Variants in DCC observed in about 807,000 individuals in gnomAD.
DCC encodes netrin receptor DCC.
DCC carries 58 observed loss-of-function variants against 172.5 expected under a neutral mutation model. The observed-to-expected ratio is 0.34, with a 90% CI of 0.27 to 0.42. DCC has a LOEUF of 0.42. DCC is among the 10% of genes least tolerant of loss of function. The pLI, the probability that DCC is intolerant of heterozygous loss-of-function variation, is 1.00. For missense variants in DCC, 1,740 were observed against 1,791.0 expected, an observed-to-expected ratio of 0.97 and a Z score of 0.51; for synonymous variants, 709 against 644.5, an observed-to-expected ratio of 1.10 and a Z score of -1.52.
intron 7 of DCC, among the ~76,000 whole-genome samples, chr18:53,127,274 T>G (rs1374989681): frequency 6.6e-6 from 1 of 151,892 alleles, no homozygotes; most frequent in Non-Finnish European, 1.5e-5. Flanking sequence ...CCCAAAGTGC[T>G]GGGGTTACAG....
chr18:53,290,582 C>T (rs2056990843), intron 12 of DCC, among the ~76,000 whole-genome samples: 1 of 151,924 alleles, frequency 6.6e-6, no homozygotes, highest in Admixed American at 6.6e-5. Context: ...TTACTTAGGG[C>T]CTAATTTGAC....
At chr18:53,040,792 G>C (rs943383598) in intron 5 of DCC, among the ~76,000 whole-genome samples, 15 of 151,918 alleles carry the variant, frequency 9.9e-5, no homozygotes, top group Admixed American at 6.6e-5. Context: ...TTTGAAGTGA[G>C]AAAGGAGACA....
At chr18:53,193,185 C>G (rs1007761390) in intron 9 of DCC, among the ~76,000 whole-genome samples, 1 of 152,092 alleles carries the variant, frequency 6.6e-6, no homozygotes, top group Non-Finnish European at 1.5e-5. Flanking sequence ...ATGGGAATTT[C>G]TTTCTGATTT....
chr18:52,399,906 A>G (rs997135837), intron 1 of DCC, among the ~76,000 whole-genome samples: 1 of 152,014 alleles, frequency 6.6e-6, no homozygotes, highest in Non-Finnish European at 1.5e-5. Flanking sequence ...TACAATTAAT[A>G]TATGAATGAA....
chr18:53,336,589 C>T (rs543504227), intron 14 of DCC, among the ~76,000 whole-genome samples: 7 of 152,306 alleles, frequency 4.6e-5, no homozygotes, highest in African/African-American at 1.4e-4. Flanking sequence ...TGTAGACTCA[C>T]ATCGATAATT....
At chr18:52,633,701 G>A (rs182381808) in intron 1 of DCC, among the ~76,000 whole-genome samples, 3 of 152,164 alleles carry the variant, frequency 2.0e-5, no homozygotes, top group Non-Finnish European at 2.9e-5. Context: ...CCAACCTAGA[G>A]TTTGGCTGTT....
chr18:52,949,932 C>A (rs1478244201), intron 5 of DCC, among the ~76,000 whole-genome samples: 3 of 152,170 alleles, frequency 2.0e-5, no homozygotes, highest in African/African-American at 7.2e-5. Flanking sequence ...AAGGCTAAAG[C>A]CCCATTAGTA....
At chr18:53,526,516 C>T in intron 27 of DCC, 101 bp from the exon 28 acceptor site, 1 of 1,289,100 alleles carries the variant, frequency 7.8e-7, no homozygotes, top group Non-Finnish European at 1.1e-6. Context: ...GAGCAATAAC[C>T]TAAAATCAAT....
intron 1 of DCC, among the ~76,000 whole-genome samples, chr18:52,403,138 G>A (rs1986503241): frequency 6.6e-6 from 1 of 151,974 alleles, no homozygotes; most frequent in South Asian, 2.1e-4. Flanking sequence ...AGAGTTTCAG[G>A]CAAAAGCTTT....
In DCC at chr18:52,752,080, C is replaced by T; in HGVS notation, c.118C>T (p.Leu40=). 6.2e-7 allele frequency: 1 copy of T among 1,614,132 alleles called. No individual in the cohort carries two copies. The highest frequency in any genetic ancestry group is 8.5e-7 in the Non-Finnish European group (1 of 1,180,022). The change falls in exon 2 of 29, where the codon CTG becomes TTG. Residue 40 remains leucine (L), a synonymous_variant. Coordinates refer to ENST00000442544, the MANE Select transcript of DCC (RefSeq NM_005215.4). ...TTTTCAAATTAAAGCTTTCACAGCA[C>T]TGCGCTTCCTCTCAGAACCTTCTGA... is the stretch of plus-strand genomic sequence containing the variant. ...TGFQIKAFTA[L]RFLSEPSDAV...
intron 8 of DCC, among the ~76,000 whole-genome samples, chr18:53,177,465 C>T (rs1307220858): frequency 6.6e-6 from 1 of 152,148 alleles, no homozygotes; most frequent in Non-Finnish European, 1.5e-5. Context: ...ACCCGTATAA[C>T]AAATAAGCCC....
chr18:52,808,270 G>C (rs778251829), intron 2 of DCC, among the ~76,000 whole-genome samples: 4 of 152,132 alleles, frequency 2.6e-5, no homozygotes, highest in Non-Finnish European at 4.4e-5. Context: ...GTTTGATGTT[G>C]AGCCTTGTTC....
chr18:52,989,140 C>T (rs2041341710), intron 5 of DCC, among the ~76,000 whole-genome samples: 2 of 152,028 alleles, frequency 1.3e-5, no homozygotes, highest in African/African-American at 4.8e-5. Context: ...ACAATATCCA[C>T]CTCCCAAAAT....
At chr18:53,435,909 A>G (rs1426070520) in intron 22 of DCC, among the ~76,000 whole-genome samples, 4 of 152,142 alleles carry the variant, frequency 2.6e-5, no homozygotes, top group African/African-American at 9.7e-5. Flanking sequence ...TTTTCAGGGG[A>G]CTAATGTATG....
At chr18:52,607,548 CG>C (rs1568252666) in intron 1 of DCC, among the ~76,000 whole-genome samples, 2 of 152,072 alleles carry the variant, frequency 1.3e-5, no homozygotes, top group Non-Finnish European at 2.9e-5. Context: ...CAGTGAAATC[CG>C]TGGGGCAAGG....
chr18:52,949,352 A>G (rs910941893), intron 5 of DCC, among the ~76,000 whole-genome samples: 3 of 152,194 alleles, frequency 2.0e-5, no homozygotes, highest in African/African-American at 7.2e-5. Flanking sequence ...AGTGAAGGGC[A>G]TTTCTTGGAA....
intron 12 of DCC, among the ~76,000 whole-genome samples, chr18:53,234,182 G>A (rs761566592): frequency 6.6e-5 from 10 of 151,894 alleles, no homozygotes; most frequent in Admixed American, 1.3e-4. Context: ...CCTGGGAGGC[G>A]GAGGTTGCAG....
At chr18:53,136,019 A>G (rs1343044480) in intron 7 of DCC, among the ~76,000 whole-genome samples, 2 of 152,084 alleles carry the variant, frequency 1.3e-5, no homozygotes, top group South Asian at 4.1e-4. Flanking sequence ...CACTGCATAC[A>G]TGTAAGTAGT....
At chr18:52,523,693 A>T (rs1485013123) in intron 1 of DCC, among the ~76,000 whole-genome samples, 1 of 152,180 alleles carries the variant, frequency 6.6e-6, no homozygotes, top group Non-Finnish European at 1.5e-5. Flanking sequence ...TTTTGCAACA[A>T]AGCCCTGTTG....
Sources: allele counts gnomAD v4.1 joint callset (sites outside exome capture counted in the v4.1 genomes callset), GRCh38; gene constraint gnomAD v4.1.1; transcripts MANE v1.5; gene names NCBI Gene and HGNC (gene_info 2026-07-23, HGNC 2026-07-21).